The following GMDS variants were observed in gnomAD, a reference collection of about 807,000 sequenced individuals.
GMDS encodes GDP-mannose 4,6-dehydratase, also known as GDP-mannose 4,6 dehydratase.
A neutral mutation model predicts 49.9 loss-of-function variants in GMDS; 20 were observed. The ratio of observed to expected loss-of-function variants is 0.40; its 90% confidence interval spans 0.28 to 0.58. The LOEUF is 0.58. Among genes scored for constraint, GMDS ranks in the 20% least tolerant of loss-of-function variants. The pLI is 0.42. For synonymous variants in GMDS, 177 were observed against 178.6 expected, an observed-to-expected ratio of 0.99 and a Z score of 0.07; for missense variants, 362 against 481.4, an observed-to-expected ratio of 0.75 and a Z score of 2.32.
chr6:2,167,551 C>T (rs1777728701), intron 1 of GMDS, among the ~76,000 whole-genome samples: 2 of 152,096 alleles, frequency 1.3e-5, no homozygotes, highest in South Asian at 2.1e-4. Context: ...CTTTACAGGT[C>T]CCCCATAAAC....
At chr6:2,145,604 C>T (rs77646409) in intron 1 of GMDS, among the ~76,000 whole-genome samples, 6,216 of 151,802 alleles carry the variant, frequency 0.041, 264 homozygotes, top group East Asian at 0.13. Context: ...ACAGATGGCC[C>T]GCTGCATCCA....
intron 6 of GMDS, among the ~76,000 whole-genome samples, chr6:1,947,824 C>T (rs941543476): frequency 6.6e-6 from 1 of 152,212 alleles, no homozygotes; most frequent in Non-Finnish European, 1.5e-5. Flanking sequence ...CCACAAGTTA[C>T]TTTACCAGAT....
chr6:1,649,418 A>C (rs922966354), intron 9 of GMDS, among the ~76,000 whole-genome samples: 6 of 152,222 alleles, frequency 3.9e-5, no homozygotes, highest in Admixed American at 2.0e-4. Context: ...AATTTAACTC[A>C]TGATACTTAT....
intron 4 of GMDS, among the ~76,000 whole-genome samples, chr6:2,082,415 G>A (rs558116687): frequency 6.6e-6 from 1 of 152,256 alleles, no homozygotes; most frequent in East Asian, 1.9e-4. Flanking sequence ...AGCGGCCCAG[G>A]GCCCCACATA....
chr6:1,742,312 G>A (rs1767306084), intron 8 of GMDS, among the ~76,000 whole-genome samples, 156 bp downstream of exon 8: 1 of 152,182 alleles, frequency 6.6e-6, no homozygotes, highest in Non-Finnish European at 1.5e-5. Context: ...AGGGCTGGAT[G>A]CAGAGCAGAG....
chr6:1,839,343 G>A (rs1757056952), intron 7 of GMDS, among the ~76,000 whole-genome samples: 1 of 152,088 alleles, frequency 6.6e-6, no homozygotes, highest in Admixed American at 6.5e-5. Flanking sequence ...TCATCCTCCC[G>A]ATTAGTACTG....
intron 1 of GMDS, among the ~76,000 whole-genome samples, chr6:2,145,188 T>C (rs1376549533): frequency 1.3e-5 from 2 of 152,160 alleles, no homozygotes; most frequent in East Asian, 3.9e-4. Context: ...AGCTCACATA[T>C]AACAGAAACA....
chr6:2,007,427 C>T (rs1369551669), intron 4 of GMDS, among the ~76,000 whole-genome samples: 2 of 152,038 alleles, frequency 1.3e-5, no homozygotes, highest in Non-Finnish European at 2.9e-5. Context: ...TCTGGTAAAA[C>T]ATGCCACTCT....
chr6:2,067,527 TAAAGAA>T (rs1771686004), intron 4 of GMDS, among the ~76,000 whole-genome samples: 1 of 150,542 alleles, frequency 6.6e-6, no homozygotes, highest in South Asian at 2.1e-4. Context: ...GCAAGACTAA[TAAAGAA>T]AAAAAGAGAG....
chr6:2,025,214 T>C (rs1768511703), intron 4 of GMDS, among the ~76,000 whole-genome samples: 1 of 152,082 alleles, frequency 6.6e-6, no homozygotes, highest in Admixed American at 6.5e-5. Flanking sequence ...TTAAAGTTGA[T>C]TTTTATTTTT....
chr6:2,039,315 A>G (rs895223767), intron 4 of GMDS, among the ~76,000 whole-genome samples: 2 of 152,342 alleles, frequency 1.3e-5, no homozygotes, highest in East Asian at 3.9e-4. Context: ...GGCCTAGGAC[A>G]TTAATCCACA....
chr6:1,837,055 G>A (rs1219536712), intron 7 of GMDS, among the ~76,000 whole-genome samples: 1 of 152,158 alleles, frequency 6.6e-6, no homozygotes, highest in Non-Finnish European at 1.5e-5. Flanking sequence ...TTCATACAAA[G>A]TTTAATTTTC....
intron 9 of GMDS, among the ~76,000 whole-genome samples, chr6:1,701,081 G>A (rs542750382): frequency 2.6e-5 from 4 of 152,210 alleles, no homozygotes; most frequent in East Asian, 1.9e-4. Flanking sequence ...CTAGATACCC[G>A]CCTCCCATAT....
At chr6:2,084,903 T>C (rs1012585980) in intron 4 of GMDS, among the ~76,000 whole-genome samples, 1 of 152,194 alleles carries the variant, frequency 6.6e-6, no homozygotes, top group African/African-American at 2.4e-5. Context: ...CATCAGAAAC[T>C]TTCTGACACT....
intron 4 of GMDS, among the ~76,000 whole-genome samples, chr6:2,058,474 T>G (rs1770910181): frequency 6.6e-6 from 1 of 151,722 alleles, no homozygotes; most frequent in Admixed American, 6.6e-5. Context: ...AAAAAGAGAC[T>G]AAAACACCAA....
intron 9 of GMDS, among the ~76,000 whole-genome samples, chr6:1,629,497 T>A (rs1021990505): frequency 1.8e-4 from 27 of 152,130 alleles, no homozygotes; most frequent in African/African-American, 5.6e-4. Context: ...ATGGAGTCAG[T>A]CAGCACTGGC....
rs907284471 is a variant in GMDS at position 1,623,866 on chromosome 6, C to A, written c.*303G>T. 1 of 406,488 alleles carries A rather than the reference C, an allele frequency of 2.5e-6. No homozygotes were observed. Among genetic ancestry groups the A allele is most frequent in the African/African-American group, 2.1e-5 (1 of 47,974 alleles). 25.2% of individuals were successfully genotyped at this position (406,488 alleles called of 1,614,324 possible). ...AGAGAAAAACAATTTGAAGGCCCCACAATTTGTTGTGTAACAACATAATTT... is the reference window on the plus strand; with the variant it reads ...AGAGAAAAACAATTTGAAGGCCCCAAAATTTGTTGTGTAACAACATAATTT... On this transcript the variant is annotated 3_prime_UTR_variant, in exon 11 of 11. Coordinates refer to ENST00000380815, the MANE Select transcript of GMDS (RefSeq NM_001500.4).
intron 7 of GMDS, among the ~76,000 whole-genome samples, chr6:1,886,605 T>A (rs1759620008): frequency 6.6e-6 from 1 of 152,196 alleles, no homozygotes; most frequent in Non-Finnish European, 1.5e-5. Flanking sequence ...CCTTACTTAT[T>A]TAATTTTAAT....
intron 4 of GMDS, among the ~76,000 whole-genome samples, chr6:2,067,216 T>C (rs1347670109): frequency 2.6e-5 from 4 of 151,790 alleles, no homozygotes; most frequent in African/African-American, 9.7e-5. Flanking sequence ...TTGAAACCAA[T>C]GAGAACAAAG....
Sources: gnomAD v4.1 joint callset for allele counts (sites outside exome capture counted in the v4.1 genomes callset) on GRCh38, gnomAD v4.1.1 for gene constraint, MANE v1.5 for transcripts, NCBI Gene and HGNC (gene_info 2026-07-23, HGNC 2026-07-21) for gene names.